ADGRA3: variants seen among roughly 807,000 people sequenced by gnomAD.
ADGRA3 encodes the protein adhesion G protein-coupled receptor A3.
In ADGRA3, 56 loss-of-function variants were observed where a neutral mutation model predicts 119.8. That is an observed-to-expected ratio of 0.47 (90% CI 0.38 to 0.58). ADGRA3 has a LOEUF of 0.58. ADGRA3 is among the 20% of genes least tolerant of loss of function. The pLI is 0.00. For missense variants in ADGRA3, 1,516 were observed against 1,649.0 expected, an observed-to-expected ratio of 0.92 and a Z score of 1.40; for synonymous variants, 607 against 623.8, an observed-to-expected ratio of 0.97 and a Z score of 0.40.
intron 5 of ADGRA3, among the ~76,000 whole-genome samples, chr4:22,447,207 C>G (rs560994963): frequency 9.9e-5 from 15 of 152,088 alleles, no homozygotes; most frequent in African/African-American, 3.6e-4. Context: ...TTTACTTACT[C>G]TAAATATAGA....
At chr4:22,504,413 G>C (rs903341554) in intron 1 of ADGRA3, among the ~76,000 whole-genome samples, 1 of 152,072 alleles carries the variant, frequency 6.6e-6, no homozygotes, top group Admixed American at 6.5e-5. Flanking sequence ...AGAAAATCTC[G>C]CGTCTCTCCA....
intron 1 of ADGRA3, among the ~76,000 whole-genome samples, chr4:22,475,453 C>CCGGG (rs1718004650): frequency 6.6e-6 from 1 of 152,106 alleles, no homozygotes; most frequent in Admixed American, 6.5e-5. Context: ...CACAATGAGG[C>CCGGG]CGGGGGCGGC....
In ADGRA3 at chr4:22,413,266, C is replaced by T. The variant is rs748313443; in HGVS notation, c.2148G>A (p.Lys716=). The change falls in exon 14 of 19, where the codon AAG becomes AAA. Residue 716 remains lysine, a synonymous_variant. Transcript: ENST00000334304. ...AATAGAGTATATGGCACCCATCTGA[C>T]TTCCAGCCTCCTTGTCCGTTCAGCA... The part of the protein sequence containing the change: ...FDLLNGQGGW[K]SDGCHILYSD... 2 of 1,614,152 alleles carry T rather than the reference C, an allele frequency of 1.2e-6. No individual in the cohort carries two copies. Among genetic ancestry groups the T allele is most frequent in the Admixed American group, 3.3e-5 (2 of 60,016 alleles).
Position 22,387,402 on chromosome 4 carries a change from A to G in ADGRA3, c.*303T>C, listed in dbSNP as rs770880195. Reference sequence around the variant, plus strand: ...ACACAATAACAAACACCTATTTATTATATTAAATACAAGCCTGAAATATTA... The same window carrying G: ...ACACAATAACAAACACCTATTTATTGTATTAAATACAAGCCTGAAATATTA... On this transcript the variant is annotated 3_prime_UTR_variant, in exon 19 of 19. Transcript: ENST00000334304. The G allele has an allele frequency of 1.5e-5, 4 of 260,208 alleles. No individual in the cohort carries two copies. Among genetic ancestry groups the G allele is most frequent in the Non-Finnish European group, 2.9e-5 (4 of 137,834 alleles). The allele number at this position is 260,208 out of a possible 1,614,324, so 16.1% of individuals were successfully genotyped here. A position where few individuals can be genotyped will look rare whatever the true frequency, so the allele number is the denominator to read the frequency against.
chr4:22,490,932 G>A (rs542853502), intron 1 of ADGRA3, among the ~76,000 whole-genome samples: 37 of 152,256 alleles, frequency 2.4e-4, no homozygotes, highest in South Asian at 1.0e-3. Context: ...CCTCTAGTCA[G>A]GTGTAAATGG....
chr4:22,426,590 T>C (rs1042271152), intron 10 of ADGRA3, among the ~76,000 whole-genome samples: 1 of 152,126 alleles, frequency 6.6e-6, no homozygotes, highest in African/African-American at 2.4e-5. Context: ...GTGAAGAAAA[T>C]GCAAAACAAG....
At chr4:22,475,327 T>C (rs1415765395) in intron 1 of ADGRA3, among the ~76,000 whole-genome samples, 1 of 152,116 alleles carries the variant, frequency 6.6e-6, no homozygotes, top group Non-Finnish European at 1.5e-5. Flanking sequence ...AAGACACAGA[T>C]CCTCCCTCAT....
intron 10 of ADGRA3, among the ~76,000 whole-genome samples, chr4:22,430,496 G>A (rs979295685): frequency 1.3e-5 from 2 of 152,086 alleles, no homozygotes; most frequent in African/African-American, 4.8e-5. Flanking sequence ...AGAGATTTGT[G>A]GAAATTTGAA....
At chr4:22,475,386 T>G (rs1718002431) in intron 1 of ADGRA3, among the ~76,000 whole-genome samples, 1 of 152,134 alleles carries the variant, frequency 6.6e-6, no homozygotes, top group South Asian at 2.1e-4. Flanking sequence ...CCAAACATGG[T>G]ATGTTATCAC....
chr4:22,427,287 A>G (rs894335080), intron 10 of ADGRA3, among the ~76,000 whole-genome samples: 8 of 152,192 alleles, frequency 5.3e-5, no homozygotes, highest in African/African-American at 1.9e-4. Flanking sequence ...AACTAAACTT[A>G]TTGTTTAATA....
At chr4:22,456,110 G>C (rs572540120) in intron 3 of ADGRA3, among the ~76,000 whole-genome samples, 1 of 152,222 alleles carries the variant, frequency 6.6e-6, no homozygotes, top group Non-Finnish European at 1.5e-5. Flanking sequence ...ATTCCAAACT[G>C]TGTACTTGGT....
At chr4:22,480,188 G>A (rs1306603315) in intron 1 of ADGRA3, among the ~76,000 whole-genome samples, 1 of 152,166 alleles carries the variant, frequency 6.6e-6, no homozygotes. Flanking sequence ...TCGGCAAAAG[G>A]CTTGAACAGA....
intron 1 of ADGRA3, among the ~76,000 whole-genome samples, chr4:22,493,508 G>T (rs1718701950): frequency 6.6e-6 from 1 of 152,102 alleles, no homozygotes; most frequent in Non-Finnish European, 1.5e-5. Context: ...GTGCTGTTTT[G>T]ATAGTTTCTC....
chr4:22,435,578 T>A (rs1345290232), intron 9 of ADGRA3, 112 bp from the exon 10 acceptor site: 1 of 937,074 alleles, frequency 1.1e-6, no homozygotes, highest in African/African-American at 1.6e-5. Context: ...AAAACTTTAT[T>A]ATTTACTCAT....
At chr4:22,511,615 G>A (rs1719448507) in intron 1 of ADGRA3, among the ~76,000 whole-genome samples, 2 of 151,882 alleles carry the variant, frequency 1.3e-5, no homozygotes, top group Admixed American at 1.3e-4. Flanking sequence ...CCTCTCTGTG[G>A]CCACATCACG....
rs73114123 is a variant in ADGRA3 at position 22,472,751 on chromosome 4, C to T, written c.329+1021G>A. Among the ~76,000 whole-genome samples the T allele has an allele frequency of 6.8e-3, 1,042 of 152,128 alleles. 8 individuals are homozygous for T. The highest frequency in any genetic ancestry group is 0.023 in the African/African-American group (965 of 41,516). ...AGGTGAAAGAGTCAAGAAAAGGCCACGCAGAGAAGTGGAGAAAGTGAAGCT... is the reference window on the plus strand; with the variant it reads ...AGGTGAAAGAGTCAAGAAAAGGCCATGCAGAGAAGTGGAGAAAGTGAAGCT... On this transcript the variant is annotated intron_variant, in intron 2 of 18. Coordinates refer to ENST00000334304, the MANE Select transcript of ADGRA3 (RefSeq NM_145290.4).
rs752989731 is a variant in ADGRA3 at position 22,388,463 on chromosome 4, C to A, written c.3208G>T (p.Val1070Leu). 5.0e-6 allele frequency: 8 copies of A among 1,614,072 alleles called. No individual in the cohort carries two copies. The highest frequency in any genetic ancestry group is 6.8e-6 in the Non-Finnish European group (8 of 1,179,996). ...TTGGGGGGCTGGACGTTGACTTGCA[C>A]TGAATACGAGCTCCGTCCTGGGCAG... is the stretch of plus-strand genomic sequence containing the variant. ...TCCPGRSSYS[V>L]QVNVQPPNSN... Residue 1070 changes from valine to leucine, a missense_variant, in exon 19 of 19, where the codon GTG becomes TTG. Physicochemically the swap from Val to Leu is conservative, Grantham distance 32. This residue lies in a region of ADGRA3 where 1,088 missense variants were observed against 1,107.1 expected (regional missense o/e 0.98). Coordinates refer to ENST00000334304, the MANE Select transcript of ADGRA3 (RefSeq NM_145290.4).
chr4:22,415,862 C>T (rs181623706), intron 12 of ADGRA3, among the ~76,000 whole-genome samples: 561 of 151,556 alleles, frequency 3.7e-3, no homozygotes, highest in African/African-American at 0.013. Context: ...TACAAAAAAC[C>T]AGGAGTATGG....
At chr4:22,487,858 T>C (rs1468723140) in intron 1 of ADGRA3, among the ~76,000 whole-genome samples, 3 of 152,198 alleles carry the variant, frequency 2.0e-5, no homozygotes, top group African/African-American at 7.2e-5. Context: ...AACACTACAA[T>C]GGCCCGCCAA....
Sources: allele counts gnomAD v4.1 joint callset (sites outside exome capture counted in the v4.1 genomes callset), GRCh38; gene constraint gnomAD v4.1.1; regional missense constraint gnomAD v4.1.1; transcripts MANE v1.5; gene names NCBI Gene and HGNC (gene_info 2026-07-23, HGNC 2026-07-21).